The following CNTNAP5 variants were observed in gnomAD, a reference collection of about 807,000 sequenced individuals.
The protein encoded by CNTNAP5 is contactin-associated protein-like 5.
CNTNAP5 carries 72 observed loss-of-function variants against 150.2 expected under a neutral mutation model. The observed-to-expected ratio is 0.48, with a 90% CI of 0.40 to 0.58. CNTNAP5 has a LOEUF of 0.58. Among genes scored for constraint, CNTNAP5 ranks in the 20% least tolerant of loss-of-function variants. The pLI is 0.00. For missense variants in CNTNAP5, 1,636 were observed against 1,626.2 expected, an observed-to-expected ratio of 1.01 and a Z score of -0.10; for synonymous variants, 672 against 619.8, an observed-to-expected ratio of 1.08 and a Z score of -1.25.
In CNTNAP5 at chr2:124,549,568, G is replaced by T. The variant is rs576812493; in HGVS notation, c.1650-13649G>T. ...ATACATTAGCCTCAGTATTCATTTT[G>T]TTTGGCTGTTCTGGTTTGGTTGCTA... On this transcript the variant is annotated intron_variant, in intron 10 of 23. Coordinates refer to ENST00000682447, the MANE Select transcript of CNTNAP5 (RefSeq NM_001367498.1). 2.6e-5 allele frequency among the ~76,000 whole-genome samples: 4 copies of T among 152,252 alleles called. No individual in the cohort carries two copies. The East Asian group carries it at 7.7e-4, about 29-fold the overall frequency.
Position 124,916,604 on chromosome 2 carries a change from A to G in CNTNAP5, c.*2316A>G, listed in dbSNP as rs995234633. On this transcript the variant is annotated 3_prime_UTR_variant, in exon 24 of 24. Transcript: ENST00000682447. The stretch of plus-strand genomic sequence containing the variant: ...GTTTTGCTGACATAGTGCTAATAGA[A>G]GAAATGGAGACTAGCAAAGGCTAAC... Among the ~76,000 whole-genome samples, 3 of 152,100 alleles carry G rather than the reference A, an allele frequency of 2.0e-5. No homozygotes were observed. The highest frequency in any genetic ancestry group is 7.2e-5 in the African/African-American group (3 of 41,454).
chr2:124,892,024 A>G (rs1477776158), intron 21 of CNTNAP5, among the ~76,000 whole-genome samples: 4 of 152,114 alleles, frequency 2.6e-5, no homozygotes, highest in Non-Finnish European at 4.4e-5. Flanking sequence ...ATCTAAGGCT[A>G]CAGTCTATGG....
In CNTNAP5 at chr2:124,467,655, A is replaced by G. The variant is rs181646124; in HGVS notation, c.919-7084A>G. Among the ~76,000 whole-genome samples the G allele has an allele frequency of 2.0e-3, 307 of 152,316 alleles. 1 individual carries two copies. Among genetic ancestry groups the G allele is most frequent in the African/African-American group, 6.9e-3 (289 of 41,584 alleles). On this transcript the variant is annotated intron_variant, in intron 6 of 23. Transcript: ENST00000682447. ...ATTCAGAAAAGAAAAACATCATTAT[A>G]TGAAGCAAATTTCTCCAGTCTAATT...
chr2:124,219,331 A>G (rs1005000211), intron 1 of CNTNAP5, among the ~76,000 whole-genome samples: 17 of 152,290 alleles, frequency 1.1e-4, no homozygotes, highest in African/African-American at 4.1e-4. Context: ...ATAAAAACCT[A>G]ATAAAATAGT....
At chr2:124,690,680 C>A (rs1679283200) in intron 13 of CNTNAP5, among the ~76,000 whole-genome samples, 1 of 152,028 alleles carries the variant, frequency 6.6e-6, no homozygotes, top group Non-Finnish European at 1.5e-5. Flanking sequence ...AGCCTCTTCA[C>A]ATTTTCACAC....
intron 1 of CNTNAP5, among the ~76,000 whole-genome samples, chr2:124,096,405 A>G (rs1334382745): frequency 6.6e-6 from 1 of 152,130 alleles, no homozygotes; most frequent in Non-Finnish European, 1.5e-5. Context: ...TCATGCAAAA[A>G]TTTTCAATAG....
intron 19 of CNTNAP5, among the ~76,000 whole-genome samples, chr2:124,849,646 A>G (rs939185170): frequency 3.3e-5 from 5 of 152,208 alleles, no homozygotes; most frequent in African/African-American, 1.2e-4. Flanking sequence ...TTTAACAATA[A>G]TGATTCTTCT....
chr2:124,306,806 C>T (rs1200632542), intron 3 of CNTNAP5, among the ~76,000 whole-genome samples: 1 of 143,432 alleles, frequency 7.0e-6, no homozygotes, highest in Non-Finnish European at 1.5e-5. Flanking sequence ...TGGCTCACTG[C>T]AACCTCCGCC....
At chr2:124,259,623 T>C (rs112654220) in intron 3 of CNTNAP5, among the ~76,000 whole-genome samples, 3,085 of 152,302 alleles carry the variant, frequency 0.02, 107 homozygotes, top group African/African-American at 0.069. Context: ...GATGAGCATT[T>C]TTTCATGTGT....
At chr2:124,226,992 T>A (rs1204098574) in intron 2 of CNTNAP5, among the ~76,000 whole-genome samples, 1 of 152,156 alleles carries the variant, frequency 6.6e-6, no homozygotes. Context: ...GTCAGAATAC[T>A]CATGAGCTAA....
At chr2:124,672,600 C>G (rs1355373623) in intron 13 of CNTNAP5, among the ~76,000 whole-genome samples, 1 of 152,088 alleles carries the variant, frequency 6.6e-6, no homozygotes, top group African/African-American at 2.4e-5. Context: ...TAGGGCACAG[C>G]TAAGGCAAGG....
rs1372447892 is a variant in CNTNAP5 at position 124,127,711 on chromosome 2, G to A, written c.83-93994G>A. Among the ~76,000 whole-genome samples the A allele has an allele frequency of 2.6e-5, 4 of 152,144 alleles. No homozygotes were observed. The East Asian group carries it at 5.8e-4, about 22-fold the overall frequency. ...AGCATGGTACTGGTACCAAAACAGA[G>A]ATATAGACCAATGGAACACAACAGA... On this transcript the variant is annotated intron_variant, in intron 1 of 23. Coordinates refer to ENST00000682447, the MANE Select transcript of CNTNAP5 (RefSeq NM_001367498.1).
chr2:124,832,149 A>T (rs908528337), intron 19 of CNTNAP5, among the ~76,000 whole-genome samples: 1 of 152,136 alleles, frequency 6.6e-6, no homozygotes, highest in Non-Finnish European at 1.5e-5. Flanking sequence ...CTGTCTCTTC[A>T]GTAAATCCAG....
At chr2:124,684,229 C>T (rs983835238) in intron 13 of CNTNAP5, among the ~76,000 whole-genome samples, 1 of 152,218 alleles carries the variant, frequency 6.6e-6, no homozygotes, top group East Asian at 1.9e-4. Context: ...ACAAAGCCAG[C>T]GGAGTGCTGT....
chr2:124,363,040 T>C (rs1041043261), intron 3 of CNTNAP5, among the ~76,000 whole-genome samples: 2 of 152,180 alleles, frequency 1.3e-5, no homozygotes, highest in Non-Finnish European at 2.9e-5. Context: ...GGAGAAAACA[T>C]ATTAAGCAAG....
intron 13 of CNTNAP5, among the ~76,000 whole-genome samples, chr2:124,714,260 A>G (rs1679900161): frequency 6.6e-6 from 1 of 152,130 alleles, no homozygotes; most frequent in Non-Finnish European, 1.5e-5. Context: ...TGGTATAAAC[A>G]CTGAAAAAAT....
intron 13 of CNTNAP5, among the ~76,000 whole-genome samples, chr2:124,705,852 T>C (rs1679625732): frequency 1.3e-5 from 2 of 152,122 alleles, no homozygotes; most frequent in South Asian, 4.1e-4. Flanking sequence ...TAAAGCAAAC[T>C]GTTAAATTTC....
intron 1 of CNTNAP5, among the ~76,000 whole-genome samples, chr2:124,070,799 G>A (rs1381611827): frequency 6.6e-6 from 1 of 151,920 alleles, no homozygotes; most frequent in East Asian, 1.9e-4. Flanking sequence ...CTTCCAGATA[G>A]AAAATCAAGA....
chr2:124,470,118 C>T (rs1449797756), intron 6 of CNTNAP5, among the ~76,000 whole-genome samples: 1 of 152,024 alleles, frequency 6.6e-6, no homozygotes, highest in Non-Finnish European at 1.5e-5. Context: ...TTCAAAGACC[C>T]ATCTGCCTCT....
Sources: allele counts gnomAD v4.1 joint callset (sites outside exome capture counted in the v4.1 genomes callset), GRCh38; gene constraint gnomAD v4.1.1; transcripts MANE v1.5; gene names NCBI Gene and HGNC (gene_info 2026-07-23, HGNC 2026-07-21).